The following UNC79 variants were observed in gnomAD, a reference collection of about 807,000 sequenced individuals.
The protein encoded by UNC79 is unc-79 subunit of NALCN channel complex.
A neutral mutation model predicts 283.1 loss-of-function variants in UNC79; 37 were observed. That is an observed-to-expected ratio of 0.13 (90% confidence interval 0.10 to 0.17). The LOEUF (loss-of-function observed/expected upper bound fraction) is 0.17, where lower values mean the gene tolerates loss of function less well. Ranked by LOEUF, UNC79 falls within the 10% of genes least tolerant of loss-of-function variation. The probability of loss-of-function intolerance (pLI) is 1.00; values close to 1 mark genes in which losing one functional copy is unlikely to be tolerated. For synonymous variants in UNC79, 1,107 were observed against 1,200.2 expected (o/e 0.92, Z 1.61); for missense variants, 2,272 against 3,211.1 (o/e 0.71, Z 7.07).
chr14:93,373,342 A>G (rs1375460891), intron 1 of UNC79, among the ~76,000 whole-genome samples: 3 of 152,178 alleles, frequency 2.0e-5, no homozygotes, highest in Non-Finnish European at 2.9e-5. Flanking sequence ...TAAAGTCAAC[A>G]AAACCAAAAG....
At chr14:93,502,078 T>C (rs1231153321) in intron 7 of UNC79, among the ~76,000 whole-genome samples, 1 of 152,178 alleles carries the variant, frequency 6.6e-6, no homozygotes, top group African/African-American at 2.4e-5. Context: ...GGTTTATTAG[T>C]GTATATCAAC....
intron 14 of UNC79, among the ~76,000 whole-genome samples, chr14:93,551,799 T>G (rs1211772666): frequency 1.3e-5 from 2 of 152,160 alleles, no homozygotes; most frequent in Non-Finnish European, 2.9e-5. Flanking sequence ...ACTGTCTCAT[T>G]CCCCTCTGAG....
intron 13 of UNC79, 75 bp downstream of exon 13, chr14:93,540,906 T>C: frequency 6.3e-7 from 1 of 1,588,808 alleles, no homozygotes; most frequent in Non-Finnish European, 8.6e-7. Flanking sequence ...GAATTTCTCC[T>C]GTTCTTTTAA....
At position 93,586,732 on chromosome 14, in the gene UNC79, C is replaced by G. The variant is rs569381474; in HGVS notation, c.2884-28C>G. On this transcript the variant is annotated intron_variant, in intron 21 of 48. Transcript: ENST00000555664. Reference sequence around the variant, plus strand: ...TTGGTAGCATTACTGTTTTGGATAACTTAGTAACCATGTGGTTTTTTGTAT... The same window carrying G: ...TTGGTAGCATTACTGTTTTGGATAAGTTAGTAACCATGTGGTTTTTTGTAT... The G allele has an allele frequency of 2.5e-6, 4 of 1,613,098 alleles. No homozygotes were observed. The African/African-American group carries it at 4.0e-5, about 16-fold the overall frequency.
rs546539620 is a variant in UNC79, at chr14:93,688,772, C to T, written c.7017C>T (p.His2339=). The stretch of plus-strand genomic sequence containing the variant: ...CCATGGACATCTCACGGGGCAACCA[C>T]AGAGATAACAAAGCTGTGATCCGCT... The change falls in exon 44 of 49, where the codon CAC becomes CAT. Residue 2339 remains histidine, a synonymous_variant. Transcript: ENST00000555664. The surrounding 1 kb of genome is among the most constrained non-coding windows in gnomAD (Gnocchi z 4.0). 3.1e-5 allele frequency: 50 copies of T among 1,614,092 alleles called. No individual in the cohort carries two copies. The South Asian group carries it at 4.6e-4, about 15-fold the overall frequency.
chr14:93,532,643 T>C (rs1378094134), intron 11 of UNC79, 65 bp downstream of exon 11: 1 of 1,594,214 alleles, frequency 6.3e-7, no homozygotes, highest in Non-Finnish European at 8.6e-7. Context: ...ATTCATTTAT[T>C]GACATCTGCC....
chr14:93,478,201 C>T (rs1460871445), intron 4 of UNC79, among the ~76,000 whole-genome samples: 3 of 152,088 alleles, frequency 2.0e-5, no homozygotes, highest in Non-Finnish European at 4.4e-5. Flanking sequence ...TACAGAGTGA[C>T]GAATCCATCA....
intron 14 of UNC79, among the ~76,000 whole-genome samples, chr14:93,546,926 T>G (rs186036905): frequency 6.6e-6 from 1 of 152,344 alleles, no homozygotes; most frequent in Non-Finnish European, 1.5e-5. Context: ...TCTGTTTATG[T>G]TGAAAATAAG....
At chr14:93,452,868 G>A (rs993000218) in intron 1 of UNC79, among the ~76,000 whole-genome samples, 5 of 152,172 alleles carry the variant, frequency 3.3e-5, no homozygotes, top group Non-Finnish European at 7.3e-5. Context: ...TATAGTTATA[G>A]TTTTAAGAGT....
chr14:93,646,696 A>C, intron 35 of UNC79, 50 bp downstream of exon 38: 1 of 1,598,346 alleles, frequency 6.3e-7, no homozygotes, highest in Non-Finnish European at 8.6e-7. Context: ...TCCTCTGTGC[A>C]TGTTCATCCT....
At position 93,477,464 on chromosome 14, in the gene UNC79, C is replaced by T. The variant is rs551214858; in HGVS notation, c.449-94C>T. On this transcript the variant is annotated intron_variant, in intron 3 of 48. Transcript: ENST00000555664. ...GAGATGGAGCACTAGTTGCTTATAACTTAAACCAGTTCATTAAAGCTTAAA... is the reference window on the plus strand; with the variant it reads ...GAGATGGAGCACTAGTTGCTTATAATTTAAACCAGTTCATTAAAGCTTAAA... 21 of 1,090,478 alleles carry T rather than the reference C, an allele frequency of 1.9e-5. No homozygotes were observed. In the African/African-American group the frequency reaches 3.2e-4, roughly 17 times the overall value. The allele number at this position is 1,090,478 out of a possible 1,614,324, so 67.6% of individuals were successfully genotyped here.
At chr14:93,581,589 G>C (rs1373155403) in intron 19 of UNC79, among the ~76,000 whole-genome samples, 1 of 148,490 alleles carries the variant, frequency 6.7e-6, no homozygotes, top group Non-Finnish European at 1.5e-5. Context: ...TGCCTCCCAG[G>C]TTCAAGCGAT....
At chr14:93,437,576 A>C (rs2056133743) in intron 1 of UNC79, 1 of 152,262 alleles carries the variant, frequency 6.6e-6, no homozygotes, top group Non-Finnish European at 1.5e-5. Context: ...ATGAATTAGC[A>C]CAGACTAGGT....
At chr14:93,404,493 A>AAATATATATATATATATAT in intron 1 of UNC79, among the ~76,000 whole-genome samples, 1 of 61,500 alleles carries the variant, frequency 1.6e-5, no homozygotes, top group South Asian at 4.6e-4. Flanking sequence ...TTCTAAAAAA[A>AAATATATATATATATATAT]ATATATATAT....
intron 17 of UNC79, among the ~76,000 whole-genome samples, chr14:93,576,311 CA>C (rs964998972): frequency 6.6e-6 from 1 of 151,966 alleles, no homozygotes; most frequent in African/African-American, 2.4e-5. Context: ...GTGGTTACCA[CA>C]AAGATTTTTA....
intron 26 of UNC79, among the ~76,000 whole-genome samples, chr14:93,604,138 T>C (rs1291275880): frequency 6.6e-6 from 1 of 152,160 alleles, no homozygotes; most frequent in Non-Finnish European, 1.5e-5. Flanking sequence ...AAAAATTCAT[T>C]ACTAAATCAC....
intron 1 of UNC79, among the ~76,000 whole-genome samples, chr14:93,455,486 C>T (rs1449765383): frequency 6.6e-6 from 1 of 151,542 alleles, no homozygotes; most frequent in Non-Finnish European, 1.5e-5. Context: ...CATCTGCATG[C>T]GTGCGTGTGT....
chr14:93,567,063 C>T (rs192514911), intron 14 of UNC79, among the ~76,000 whole-genome samples: 30 of 152,270 alleles, frequency 2.0e-4, no homozygotes, highest in African/African-American at 7.2e-4. Flanking sequence ...CTCTGTACAT[C>T]GTGATCTGTA....
intron 1 of UNC79, among the ~76,000 whole-genome samples, chr14:93,362,530 G>A (rs1002550196): frequency 2.6e-5 from 4 of 152,034 alleles, no homozygotes; most frequent in Admixed American, 2.6e-4. Flanking sequence ...TGTATTTTTA[G>A]TAGAAATGGG....
Sources: allele counts gnomAD v4.1 joint callset (sites outside exome capture counted in the v4.1 genomes callset), GRCh38; gene constraint gnomAD v4.1.1; non-coding constraint Gnocchi (gnomAD v3.1); transcripts MANE v1.5; gene names NCBI Gene and HGNC (gene_info 2026-07-23, HGNC 2026-07-21).